Variants in NR2F1-AS1 observed in about 807,000 individuals in gnomAD.
The protein encoded by NR2F1-AS1 is NR2F1 antisense RNA 1.
chr5:93,412,139 C>T (rs1160003988), intron 4 of NR2F1-AS1, among the ~76,000 whole-genome samples: 5 of 152,198 alleles, frequency 3.3e-5, no homozygotes, highest in African/African-American at 7.2e-5. Context: ...AAAAGACAGG[C>T]ATCTTTACAA....
chr5:93,430,384 T>G (rs1749285539), intron 4 of NR2F1-AS1, among the ~76,000 whole-genome samples: 1 of 152,192 alleles, frequency 6.6e-6, no homozygotes, highest in Admixed American at 6.5e-5. Context: ...GAGAGCAAGA[T>G]TGATTGCTTT....
At chr5:93,578,793 A>G (rs980044644) in intron 1 of NR2F1-AS1, among the ~76,000 whole-genome samples, 1 of 152,168 alleles carries the variant, frequency 6.6e-6, no homozygotes, top group African/African-American at 2.4e-5. Context: ...GGATTTCCCA[A>G]TTGGGGGATC....
intron 4 of NR2F1-AS1, among the ~76,000 whole-genome samples, chr5:93,453,616 C>T (rs1434368239): frequency 1.3e-5 from 2 of 152,018 alleles, no homozygotes; most frequent in African/African-American, 4.8e-5. Flanking sequence ...AAAAAAGACA[C>T]ATTTTGTGCA....
chr5:93,536,472 A>G (rs917538280), intron 4 of NR2F1-AS1, among the ~76,000 whole-genome samples: 1 of 152,200 alleles, frequency 6.6e-6, no homozygotes, highest in Non-Finnish European at 1.5e-5. Context: ...AACTCCAAAT[A>G]GCAAAAGCAA....
intron 4 of NR2F1-AS1, among the ~76,000 whole-genome samples, chr5:93,507,480 C>G (rs1751210441): frequency 6.6e-6 from 1 of 152,160 alleles, no homozygotes; most frequent in African/African-American, 2.4e-5. Flanking sequence ...ACCTCAGCCC[C>G]CCAAGTAGCT....
chr5:93,451,817 A>C (rs1749837255), intron 4 of NR2F1-AS1, among the ~76,000 whole-genome samples: 2 of 152,232 alleles, frequency 1.3e-5, no homozygotes, highest in Non-Finnish European at 2.9e-5. Flanking sequence ...AAAGTAATTT[A>C]AGTATTAGCG....
intron 4 of NR2F1-AS1, among the ~76,000 whole-genome samples, chr5:93,431,046 T>C (rs1749302369): frequency 6.6e-6 from 1 of 152,184 alleles, no homozygotes. Flanking sequence ...AGCACCCACT[T>C]TGAAAAAGCC....
intron 4 of NR2F1-AS1, among the ~76,000 whole-genome samples, chr5:93,552,975 A>G (rs1293124096): frequency 6.6e-6 from 1 of 152,184 alleles, no homozygotes; most frequent in Non-Finnish European, 1.5e-5. Context: ...TGACTCTTGT[A>G]GTAATATTAA....
chr5:93,520,413 T>C (rs527706569), intron 4 of NR2F1-AS1, among the ~76,000 whole-genome samples: 1 of 152,216 alleles, frequency 6.6e-6, no homozygotes, highest in African/African-American at 2.4e-5. Context: ...AAACATTCCT[T>C]TAAAAGTAGA....
At chr5:93,562,876 G>A (rs2149920930) in intron 2 of NR2F1-AS1, among the ~76,000 whole-genome samples, 1 of 152,216 alleles carries the variant, frequency 6.6e-6, no homozygotes, top group South Asian at 2.1e-4. Flanking sequence ...AAGCACAATG[G>A]TCACATAATT....
At chr5:93,562,608 T>C (rs966478671) in intron 2 of NR2F1-AS1, among the ~76,000 whole-genome samples, 2 of 152,158 alleles carry the variant, frequency 1.3e-5, no homozygotes, top group Non-Finnish European at 2.9e-5. Flanking sequence ...TTCCAAGCAT[T>C]TTTTCAAAAA....
chr5:93,470,617 C>T (rs1750346463), intron 4 of NR2F1-AS1, among the ~76,000 whole-genome samples: 1 of 151,698 alleles, frequency 6.6e-6, no homozygotes, highest in Non-Finnish European at 1.5e-5. Flanking sequence ...ATTCTAATCT[C>T]CTATCATGTT....
chr5:93,564,235 A>G (rs1023789750), intron 1 of NR2F1-AS1, among the ~76,000 whole-genome samples: 3 of 151,158 alleles, frequency 2.0e-5, no homozygotes, highest in Non-Finnish European at 2.9e-5. Flanking sequence ...GGTTACTATT[A>G]TAAGTTCCCA....
intron 4 of NR2F1-AS1, among the ~76,000 whole-genome samples, chr5:93,497,246 T>C (rs1333453450): frequency 6.6e-6 from 1 of 152,186 alleles, no homozygotes; most frequent in Non-Finnish European, 1.5e-5. Context: ...GCATGAAGAA[T>C]GCGGAAGCAG....
At chr5:93,563,774 G>A (rs1409936626) in intron 1 of NR2F1-AS1, among the ~76,000 whole-genome samples, 1 of 151,976 alleles carries the variant, frequency 6.6e-6, no homozygotes, top group Non-Finnish European at 1.5e-5. Context: ...CTAAAATACA[G>A]ACAAATAAAT....
intron 4 of NR2F1-AS1, chr5:93,543,077 G>A (rs1751991423): frequency 6.6e-6 from 1 of 152,186 alleles, no homozygotes; most frequent in African/African-American, 2.4e-5. Context: ...ATTGATTGCG[G>A]AATTTCAAGC....
chr5:93,490,584 T>C (rs1580271535), intron 4 of NR2F1-AS1, among the ~76,000 whole-genome samples: 2 of 149,106 alleles, frequency 1.3e-5, no homozygotes, highest in Non-Finnish European at 3.0e-5. Flanking sequence ...GTGGTGGTGG[T>C]GGTGATGGTG....
At chr5:93,461,547 A>T (rs2149863649) in intron 4 of NR2F1-AS1, among the ~76,000 whole-genome samples, 1 of 152,296 alleles carries the variant, frequency 6.6e-6, no homozygotes, top group South Asian at 2.1e-4. Context: ...GGGGCTCAAA[A>T]TAGAAACTGA....
At chr5:93,489,431 A>AT (rs902364104) in intron 4 of NR2F1-AS1, among the ~76,000 whole-genome samples, 14 of 151,600 alleles carry the variant, frequency 9.2e-5, no homozygotes, top group Middle Eastern at 3.5e-3. Context: ...ATATATATAT[A>AT]TTTTTAGGCA....
Sources: gnomAD v4.1 joint callset for allele counts (sites outside exome capture counted in the v4.1 genomes callset) on GRCh38, gnomAD v4.1.1 for gene constraint, MANE v1.5 for transcripts, NCBI Gene and HGNC (gene_info 2026-07-23, HGNC 2026-07-21) for gene names.